RAMP1: variants seen among roughly 807,000 people sequenced by gnomAD.
RAMP1 encodes receptor activity-modifying protein 1.
In RAMP1, 7 loss-of-function variants were observed where a neutral mutation model predicts 8.2. The ratio of observed to expected loss-of-function variants is 0.85; its 90% CI spans 0.49 to 1.60. The LOEUF (loss-of-function observed/expected upper bound fraction) is 1.60, where lower values mean the gene tolerates loss of function less well. Ranked by LOEUF, RAMP1 falls within the 40% of genes most tolerant of loss-of-function variation. The pLI is 0.00. For missense variants in RAMP1, 192 were observed against 202.4 expected, an observed-to-expected ratio of 0.95 and a Z score of 0.31; for synonymous variants, 92 against 84.7, an observed-to-expected ratio of 1.09 and a Z score of -0.47.
chr2:237,910,602 C>G (rs991016120), intron 2 of RAMP1, among the ~76,000 whole-genome samples: 2 of 147,624 alleles, frequency 1.4e-5, no homozygotes, highest in African/African-American at 5.3e-5. Flanking sequence ...ATAACACAGT[C>G]ACACAGTCAC....
At chr2:237,893,023 T>C (rs979036599) in intron 2 of RAMP1, among the ~76,000 whole-genome samples, 5 of 152,210 alleles carry the variant, frequency 3.3e-5, no homozygotes, top group African/African-American at 1.2e-4. Flanking sequence ...TGTTACCTTT[T>C]AAATTCAGGA....
rs1486839130 is a variant in RAMP1, at chr2:237,859,703, C to T, written c.28C>T (p.Arg10Trp). Residue 10 changes from arginine (R) to tryptophan (W), a missense_variant, in exon 1 of 3, where the codon CGG becomes TGG. Physicochemically the swap from Arg to Trp is moderately radical, Grantham distance 101. Transcript: ENST00000254661. Reference protein sequence around the residue: MARALCRLPRRGLWLLLAHH... With the variant: MARALCRLPWRGLWLLLAHH... ...GGCCCGGGCCCTGTGCCGCCTCCCG[C>T]GGCGCGGCCTCTGGCTGCTCCTGGG... 8.5e-5 allele frequency: 128 copies of T among 1,512,366 alleles called. No individual in the cohort carries two copies. The highest frequency in any genetic ancestry group is 1.1e-4 in the Non-Finnish European group (126 of 1,131,138). The allele number at this position is 1,512,366 out of a possible 1,614,324, so 93.7% of individuals were successfully genotyped here.
At chr2:237,883,432 T>G (rs2062392414) in intron 2 of RAMP1, among the ~76,000 whole-genome samples, 2 of 152,052 alleles carry the variant, frequency 1.3e-5, no homozygotes, top group Non-Finnish European at 2.9e-5. Flanking sequence ...GGCCCAGAAG[T>G]CTTGCTTCCT....
chr2:237,911,521 T>C lies in RAMP1; in HGVS notation c.192-7T>C. 2 of 1,613,694 alleles carry C rather than the reference T, an allele frequency of 1.2e-6. No homozygotes were observed. Among genetic ancestry groups the C allele is most frequent in the Non-Finnish European group, 8.5e-7 (1 of 1,179,756 alleles). ...CAGGGTCTTACCACCTCCTCTTCCA[T>C]CCGCAGGAGCTACAGGGAGCTGGCC... On this transcript the variant is annotated splice_region_variant and splice_polypyrimidine_tract_variant and intron_variant, in intron 2 of 2. Coordinates refer to ENST00000254661, the MANE Select transcript of RAMP1 (RefSeq NM_005855.4).
chr2:237,890,106 C>T (rs73094305), intron 2 of RAMP1, among the ~76,000 whole-genome samples: 3,658 of 152,278 alleles, frequency 0.024, 168 homozygotes, highest in African/African-American at 0.083. Flanking sequence ...TCCGGATTTT[C>T]CTCTTTGTGT....
chr2:237,885,170 G>A (rs560470385), intron 2 of RAMP1, among the ~76,000 whole-genome samples: 23 of 152,364 alleles, frequency 1.5e-4, no homozygotes, highest in Admixed American at 2.0e-4. Context: ...AGCAACATGG[G>A]AACAGCTGCT....
At chr2:237,885,572 C>T (rs560327802) in intron 2 of RAMP1, among the ~76,000 whole-genome samples, 19 of 152,360 alleles carry the variant, frequency 1.2e-4, no homozygotes, top group East Asian at 7.7e-4. Flanking sequence ...GTGGGCTCCA[C>T]GGAAAGGCCC....
In RAMP1 at chr2:237,859,630, A is replaced by G. The variant is rs2062111907; in HGVS notation, c.-46A>G. The stretch of plus-strand genomic sequence containing the variant: ...CCGCGCCGCGGCGGGCTCAGTCCTC[A>G]GCGGGGCGCGTGGCGAGCGGACTCG... On this transcript the variant is annotated 5_prime_UTR_variant, in exon 1 of 3. Transcript: ENST00000254661. 9 of 1,394,140 alleles carry G rather than the reference A, an allele frequency of 6.5e-6. No homozygotes were observed. Among genetic ancestry groups the G allele is most frequent in the Non-Finnish European group, 7.5e-6 (8 of 1,068,434 alleles). 86.4% of individuals were successfully genotyped at this position (1,394,140 alleles called of 1,614,324 possible).
At position 237,865,965 on chromosome 2, in the gene RAMP1, C is replaced by T. The variant is rs2062183739; in HGVS notation, c.52+6238C>T. Among the ~76,000 whole-genome samples, 1 of 152,152 alleles carries T rather than the reference C, an allele frequency of 6.6e-6. No individual in the cohort carries two copies. The highest frequency in any genetic ancestry group is 1.5e-5 in the Non-Finnish European group (1 of 68,026). The stretch of plus-strand genomic sequence containing the variant: ...ATGCCTGTGTAGGTTTCCTCCAGTG[C>T]CTTATGGTTCTAAACACACAAACCT... On this transcript the variant is annotated intron_variant, in intron 1 of 2. Transcript: ENST00000254661. The surrounding 1 kb of genome is among the most constrained non-coding windows in gnomAD (Gnocchi z 4.2).
chr2:237,864,554 T>A (rs190642312), intron 1 of RAMP1, among the ~76,000 whole-genome samples: 1 of 152,310 alleles, frequency 6.6e-6, no homozygotes, highest in East Asian at 1.9e-4. Flanking sequence ...AACACCCATC[T>A]GCCACCTCAC....
intron 1 of RAMP1, among the ~76,000 whole-genome samples, chr2:237,863,658 C>T (rs924580010): frequency 1.3e-5 from 2 of 152,142 alleles, no homozygotes; most frequent in African/African-American, 2.4e-5. Flanking sequence ...TTTTAAATCA[C>T]GGCTTCTGGG....
At chr2:237,885,345 C>T (rs180740871) in intron 2 of RAMP1, among the ~76,000 whole-genome samples, 2 of 152,222 alleles carry the variant, frequency 1.3e-5, no homozygotes, top group South Asian at 2.1e-4. Context: ...TGCCCCTGCC[C>T]GGAGGCCTGG....
chr2:237,864,566 C>G (rs755399400), intron 1 of RAMP1, among the ~76,000 whole-genome samples: 8 of 152,192 alleles, frequency 5.3e-5, no homozygotes, highest in Non-Finnish European at 8.8e-5. Context: ...CCACCTCACA[C>G]ACGGGACACA....
intron 2 of RAMP1, among the ~76,000 whole-genome samples, chr2:237,885,215 G>A (rs1275508413): frequency 6.6e-6 from 1 of 151,940 alleles, no homozygotes; most frequent in Non-Finnish European, 1.5e-5. Flanking sequence ...TGAGAGGGAG[G>A]CTTCTTCTGA....
At chr2:237,894,016 C>A (rs1362700136) in intron 2 of RAMP1, among the ~76,000 whole-genome samples, 1 of 132,588 alleles carries the variant, frequency 7.5e-6, no homozygotes, top group African/African-American at 2.9e-5. Flanking sequence ...GTCACCCAGG[C>A]TGGAGTGCAG....
At chr2:237,861,267 C>T (rs868018351) in intron 1 of RAMP1, among the ~76,000 whole-genome samples, 1 of 151,950 alleles carries the variant, frequency 6.6e-6, no homozygotes, top group South Asian at 2.1e-4. Flanking sequence ...GTAATTTTAA[C>T]GTTATTTTGA....
At chr2:237,891,922 C>T (rs1349487327) in intron 2 of RAMP1, among the ~76,000 whole-genome samples, 1 of 152,158 alleles carries the variant, frequency 6.6e-6, no homozygotes, top group East Asian at 1.9e-4. Flanking sequence ...TATGCTGCCA[C>T]CACCCATGCC....
Position 237,911,662 on chromosome 2 carries a change from G to A in RAMP1, c.326G>A (p.Arg109Lys), listed in dbSNP as rs2062714702. 1.9e-6 allele frequency: 3 copies of A among 1,614,060 alleles called. No homozygotes were observed. The East Asian group carries it at 6.7e-5, about 36-fold the overall frequency. ...TTCAGGAGCTGCCCCATCTCAGGCA[G>A]GGCCGTGCGGGACCCGCCCGGCAGC... Reference protein sequence around the residue: ...RYFRSCPISGRAVRDPPGSIL... With the variant: ...RYFRSCPISGKAVRDPPGSIL... The change falls in exon 3 of 3, where the codon AGG becomes AAG. Residue 109 changes from arginine (R) to lysine (K), a missense_variant. Arg to Lys is a conservative substitution (Grantham distance 26). Transcript: ENST00000254661.
rs563852512 is a variant in RAMP1, at chr2:237,877,491, G to A, written c.191+129G>A. ...CCCCGGAAGGGTTCTTCCCCCAGTGGGGGGGGCCGGGATGAAGACAGAGGA... is the reference window on the plus strand; with the variant it reads ...CCCCGGAAGGGTTCTTCCCCCAGTGAGGGGGGCCGGGATGAAGACAGAGGA... On this transcript the variant is annotated intron_variant, in intron 2 of 2. Coordinates refer to ENST00000254661, the MANE Select transcript of RAMP1 (RefSeq NM_005855.4). The surrounding 1 kb of genome is among the most constrained non-coding windows in gnomAD (Gnocchi z 4.4). The A allele has an allele frequency of 8.8e-6, 11 of 1,255,952 alleles. No individual in the cohort carries two copies. Among genetic ancestry groups the A allele is most frequent in the African/African-American group, 4.5e-5 (3 of 66,522 alleles). 77.8% of individuals were successfully genotyped at this position (1,255,952 alleles called of 1,614,324 possible). A position where few individuals can be genotyped will look rare whatever the true frequency, so the allele number is the denominator to read the frequency against.
Sources: allele counts gnomAD v4.1 joint callset (sites outside exome capture counted in the v4.1 genomes callset), GRCh38; gene constraint gnomAD v4.1.1; non-coding constraint Gnocchi (gnomAD v3.1); transcripts MANE v1.5; gene names NCBI Gene and HGNC (gene_info 2026-07-23, HGNC 2026-07-21).